Variants in CBLB observed in about 807,000 individuals in gnomAD.
CBLB encodes the protein E3 ubiquitin-protein ligase CBL-B.
CBLB carries 31 observed loss-of-function variants against 104.9 expected under a neutral mutation model. That is an observed-to-expected ratio of 0.30 (90% confidence interval 0.22 to 0.40). CBLB has a LOEUF of 0.40. Ranked by LOEUF, CBLB falls within the 10% of genes least tolerant of loss-of-function variation. The probability of loss-of-function intolerance (pLI) is 1.00; values close to 1 mark genes in which losing one functional copy is unlikely to be tolerated. For synonymous variants in CBLB, 440 were observed against 422.6 expected, an observed-to-expected ratio of 1.04 and a Z score of -0.51; for missense variants, 1,062 against 1,214.6, an observed-to-expected ratio of 0.87 and a Z score of 1.87.
intron 17 of CBLB, chr3:105,673,568 A>T (rs1337902140): frequency 1.3e-5 from 2 of 152,176 alleles, no homozygotes; most frequent in African/African-American, 4.8e-5. Flanking sequence ...AACTAATGCT[A>T]AAAAAGGTTT....
At chr3:105,813,274 T>A (rs1389295079) in intron 3 of CBLB, among the ~76,000 whole-genome samples, 2 of 152,152 alleles carry the variant, frequency 1.3e-5, no homozygotes, top group Non-Finnish European at 1.5e-5. Context: ...ATGGGGCTTA[T>A]CCCTGCTGGC....
intron 16 of CBLB, among the ~76,000 whole-genome samples, chr3:105,678,805 T>C (rs151241449): frequency 6.6e-6 from 1 of 152,226 alleles, no homozygotes; most frequent in Admixed American, 6.5e-5. Context: ...AACACACCCA[T>C]GCAAACTTTT....
rs537823264 is a variant in CBLB at position 105,707,529 on chromosome 3, T to C, written c.1408-3356A>G. Among the ~76,000 whole-genome samples the C allele has an allele frequency of 3.3e-5, 5 of 152,298 alleles. No homozygotes were observed. In the East Asian group the frequency reaches 9.6e-4, roughly 29 times the overall value. ...AATGCATTATTCTTTGCTGAACCTTTTACTATTTTTAAAAACAATTATGCA... is the reference window on the plus strand; with the variant it reads ...AATGCATTATTCTTTGCTGAACCTTCTACTATTTTTAAAAACAATTATGCA... On this transcript the variant is annotated intron_variant, in intron 10 of 18. Transcript: ENST00000394030.
Position 105,659,235 on chromosome 3 carries a change from T to G in CBLB, c.2690-6A>C. Reference sequence around the variant, plus strand: ...GGCTGGTGCCTGTGAACCATCTGTGTAGATTTTTAAAGAGAGATACTATTT... The same window carrying G: ...GGCTGGTGCCTGTGAACCATCTGTGGAGATTTTTAAAGAGAGATACTATTT... On this transcript the variant is annotated splice_polypyrimidine_tract_variant and splice_region_variant and intron_variant, in intron 18 of 18. Coordinates refer to ENST00000394030, the MANE Select transcript of CBLB (RefSeq NM_170662.5). 1 of 1,613,552 alleles carries G rather than the reference T, an allele frequency of 6.2e-7. No individual in the cohort carries two copies. Among genetic ancestry groups the G allele is most frequent in the South Asian group, 1.1e-5 (1 of 91,080 alleles).
rs760779272 is a variant in CBLB, at chr3:105,751,468, C to G, written c.717G>C (p.Leu239=). 1 of 1,607,364 alleles carries G rather than the reference C, an allele frequency of 6.2e-7. No homozygotes were observed. The highest frequency in any genetic ancestry group is 8.5e-7 in the Non-Finnish European group (1 of 1,174,284). ...TAAGCAAGTATAAACTTACCTGAAA[C>G]AGCCTGGTAAAAATATCAAATTCAA... is the stretch of plus-strand genomic sequence containing the variant. The part of the protein sequence containing the change: ...SVFEFDIFTR[L]FQPWGSILRN... The change falls in exon 5 of 19, where the codon CTG becomes CTC. Residue 239 remains leucine (L), a synonymous_variant. Transcript: ENST00000394030.
chr3:105,790,234 A>G (rs2081484525), intron 3 of CBLB, among the ~76,000 whole-genome samples: 1 of 152,264 alleles, frequency 6.6e-6, no homozygotes, highest in Non-Finnish European at 1.5e-5. Flanking sequence ...TTTCTTGCTT[A>G]ATTATTTCTT....
At position 105,658,146 on chromosome 3, in the gene CBLB, C is replaced by T. The variant is rs2063467338; in HGVS notation, c.*824G>A. ...TATACAAGTGTTCTCTCTTCCACAT[C>T]TGTAGTAGCTGCTTTCTAATATTGT... On this transcript the variant is annotated 3_prime_UTR_variant, in exon 19 of 19. Transcript: ENST00000394030. 1 of 217,364 alleles carries T rather than the reference C, an allele frequency of 4.6e-6. No individual in the cohort carries two copies. Among genetic ancestry groups the T allele is most frequent in the Admixed American group, 5.8e-5 (1 of 17,218 alleles). The allele number at this position is 217,364 out of a possible 1,614,324, so 13.5% of individuals were successfully genotyped here.
chr3:105,737,688 T>C (rs1006107708), intron 7 of CBLB, among the ~76,000 whole-genome samples: 1 of 152,132 alleles, frequency 6.6e-6, no homozygotes, highest in Admixed American at 6.5e-5. Flanking sequence ...AAAAATATAA[T>C]TAAAGGCCAC....
At chr3:105,699,187 T>A (rs2068769223) in intron 12 of CBLB, among the ~76,000 whole-genome samples, 1 of 152,128 alleles carries the variant, frequency 6.6e-6, no homozygotes, top group South Asian at 2.1e-4. Context: ...CAAGCATTCA[T>A]TAGGAACTAC....
At chr3:105,811,626 C>T (rs976503684) in intron 3 of CBLB, among the ~76,000 whole-genome samples, 8 of 152,116 alleles carry the variant, frequency 5.3e-5, no homozygotes, top group African/African-American at 1.9e-4. Context: ...AAATAAAAAG[C>T]TTTAAAAGAG....
In CBLB at chr3:105,814,069, T is replaced by C. The variant is rs201717579; in HGVS notation, c.420-37527A>G. 1.1e-4 allele frequency among the ~76,000 whole-genome samples: 16 copies of C among 152,258 alleles called. 1 individual carries two copies. In the East Asian group the frequency reaches 2.5e-3, roughly 24 times the overall value. On this transcript the variant is annotated intron_variant, in intron 3 of 18. Coordinates refer to ENST00000394030, the MANE Select transcript of CBLB (RefSeq NM_170662.5). ...CTGATTGTTTGCTTGTTTAATTCTT[T>C]CTAATGAAAATTTAAAAAAAGATCA...
intron 3 of CBLB, among the ~76,000 whole-genome samples, chr3:105,810,113 T>C (rs2084074725): frequency 6.6e-6 from 1 of 152,182 alleles, no homozygotes; most frequent in South Asian, 2.1e-4. Context: ...ACCTGCTTGA[T>C]AGGAGCTCTA....
chr3:105,794,266 A>T (rs939350967), intron 3 of CBLB, among the ~76,000 whole-genome samples: 1 of 152,240 alleles, frequency 6.6e-6, no homozygotes, highest in Non-Finnish European at 1.5e-5. Flanking sequence ...TGTTATTTTA[A>T]TATCGGTCTT....
intron 4 of CBLB, among the ~76,000 whole-genome samples, chr3:105,763,725 C>G (rs967414709): frequency 6.6e-6 from 1 of 152,180 alleles, no homozygotes; most frequent in Non-Finnish European, 1.5e-5. Context: ...TCTCTACCAG[C>G]AGAACATGAT....
rs1559696585 is a variant in CBLB at position 105,657,113 on chromosome 3, T to A, written c.*1857A>T. On this transcript the variant is annotated 3_prime_UTR_variant, in exon 19 of 19. Transcript: ENST00000394030. ...GAAATTACCCAAGGCCTGTGAGTCC[T>A]CATCTCATACCATGAAAGCCAGACT... 1 of 226,358 alleles carries A rather than the reference T, an allele frequency of 4.4e-6. No homozygotes were observed. Among genetic ancestry groups the A allele is most frequent in the Non-Finnish European group, 8.8e-6 (1 of 113,804 alleles). 14.0% of individuals were successfully genotyped at this position (226,358 alleles called of 1,614,324 possible).
intron 3 of CBLB, among the ~76,000 whole-genome samples, chr3:105,784,147 T>C (rs2080664339): frequency 3.3e-5 from 5 of 152,230 alleles, no homozygotes; most frequent in Admixed American, 3.3e-4. Context: ...AAACTCTTTA[T>C]CTTTAGTATT....
chr3:105,767,606 C>A (rs2078372014), intron 4 of CBLB, among the ~76,000 whole-genome samples: 1 of 139,018 alleles, frequency 7.2e-6, no homozygotes, highest in Non-Finnish European at 1.5e-5. Context: ...TATGAAACTT[C>A]CATCATACAA....
intron 3 of CBLB, among the ~76,000 whole-genome samples, chr3:105,843,028 T>G (rs1400300667): frequency 6.6e-6 from 1 of 152,312 alleles, no homozygotes; most frequent in East Asian, 1.9e-4. Flanking sequence ...CTCATTTTTG[T>G]AAATAAATTT....
chr3:105,730,412 A>G (rs1348206590), intron 9 of CBLB, among the ~76,000 whole-genome samples: 1 of 152,128 alleles, frequency 6.6e-6, no homozygotes, highest in African/African-American at 2.4e-5. Flanking sequence ...AGAGCTTTTC[A>G]CAACCTACAA....
Sources: gnomAD v4.1 joint callset for allele counts (sites outside exome capture counted in the v4.1 genomes callset) on GRCh38, gnomAD v4.1.1 for gene constraint, MANE v1.5 for transcripts, NCBI Gene and HGNC (gene_info 2026-07-23, HGNC 2026-07-21) for gene names.